NRXN1: variants seen among roughly 807,000 people sequenced by gnomAD.
The protein encoded by NRXN1 is neurexin 1, also known as neurexin-1.
Under a neutral mutation model 150.9 loss-of-function variants are expected in NRXN1, and 39 were observed. The ratio of observed to expected loss-of-function variants is 0.26; its 90% CI spans 0.20 to 0.34. NRXN1 has a LOEUF of 0.34. NRXN1 is among the 10% of genes least tolerant of loss of function. The probability of loss-of-function intolerance (pLI) is 1.00; values close to 1 mark genes in which losing one functional copy is unlikely to be tolerated. For synonymous variants in NRXN1, 924 were observed against 757.0 expected, an observed-to-expected ratio of 1.22 and a Z score of -3.62; for missense variants, 1,815 against 1,949.9, an observed-to-expected ratio of 0.93 and a Z score of 1.30.
At chr2:51,018,327 T>G (rs1003198866) in intron 2 of NRXN1, among the ~76,000 whole-genome samples, 1 of 152,098 alleles carries the variant, frequency 6.6e-6, no homozygotes, top group Non-Finnish European at 1.5e-5. Flanking sequence ...TAGCAGTTGT[T>G]CCTGCAGTGT....
intron 5 of NRXN1, among the ~76,000 whole-genome samples, chr2:50,627,615 G>GACACAAACACACACAC (rs1553903434): frequency 6.7e-6 from 1 of 148,334 alleles, no homozygotes; most frequent in Non-Finnish European, 1.5e-5. Context: ...GTCAGACACA[G>GACACAAACACACACAC]ACACACACAC....
intron 5 of NRXN1, among the ~76,000 whole-genome samples, chr2:50,803,828 A>G (rs979674393): frequency 1.7e-4 from 26 of 152,156 alleles, no homozygotes; most frequent in African/African-American, 5.1e-4. Flanking sequence ...TTCAAAAACA[A>G]TATCACTTTT....
At chr2:50,261,739 T>C (rs1339116073) in intron 17 of NRXN1, among the ~76,000 whole-genome samples, 1 of 151,958 alleles carries the variant, frequency 6.6e-6, no homozygotes, top group Non-Finnish European at 1.5e-5. Flanking sequence ...GTGAATTCTT[T>C]ACCTCTTCCA....
Position 50,640,387 on chromosome 2 carries a change from G to T in NRXN1, c.833-16772C>A, listed in dbSNP as rs180951258. Among the ~76,000 whole-genome samples, 59 of 152,184 alleles carry T rather than the reference G, an allele frequency of 3.9e-4. No individual in the cohort carries two copies. The East Asian group carries it at 6.8e-3, about 17-fold the overall frequency. On this transcript the variant is annotated intron_variant, in intron 5 of 22. Coordinates refer to ENST00000401669, the MANE Select transcript of NRXN1 (RefSeq NM_001330078.2). ...TAAACTAAAATTATACTTTAGATATGATCTATGTATAATATTGCCTTAAAT... is the reference window on the plus strand; with the variant it reads ...TAAACTAAAATTATACTTTAGATATTATCTATGTATAATATTGCCTTAAAT...
intron 5 of NRXN1, among the ~76,000 whole-genome samples, chr2:50,804,730 C>T (rs574093150): frequency 4.6e-5 from 7 of 152,302 alleles, no homozygotes; most frequent in African/African-American, 1.7e-4. Flanking sequence ...CTAATTCCCT[C>T]CTCACTACTC....
At chr2:50,908,315 T>C (rs1015743875) in intron 5 of NRXN1, among the ~76,000 whole-genome samples, 7 of 151,472 alleles carry the variant, frequency 4.6e-5, no homozygotes, top group African/African-American at 1.7e-4. Context: ...TCAGTATGAA[T>C]TGATAAAACA....
chr2:50,435,758 C>T (rs112260824), intron 17 of NRXN1, among the ~76,000 whole-genome samples: 1 of 152,082 alleles, frequency 6.6e-6, no homozygotes, highest in Non-Finnish European at 1.5e-5. Context: ...ACATTGAGAA[C>T]ACATGGACAC....
intron 21 of NRXN1, among the ~76,000 whole-genome samples, chr2:49,987,496 T>C (rs374270335): frequency 1.2e-4 from 19 of 152,164 alleles, no homozygotes; most frequent in Admixed American, 1.2e-3. Context: ...CTGATGGAGA[T>C]CATCATTACA....
At chr2:49,958,935 G>A (rs1236132647) in intron 21 of NRXN1, among the ~76,000 whole-genome samples, 1 of 152,172 alleles carries the variant, frequency 6.6e-6, no homozygotes, top group East Asian at 1.9e-4. Flanking sequence ...ATAAGGTAAA[G>A]GATATCAGAG....
At chr2:50,062,722 G>C (rs183457997) in intron 19 of NRXN1, among the ~76,000 whole-genome samples, 48 of 152,204 alleles carry the variant, frequency 3.2e-4, no homozygotes, top group Admixed American at 2.0e-3. Context: ...GATCAGTAGA[G>C]ACAAGCTATA....
At chr2:50,445,098 A>G (rs2104478996) in intron 17 of NRXN1, among the ~76,000 whole-genome samples, 1 of 152,020 alleles carries the variant, frequency 6.6e-6, no homozygotes, top group Non-Finnish European at 1.5e-5. Context: ...TCCACATTTT[A>G]CCCCACTAAG....
intron 18 of NRXN1, among the ~76,000 whole-genome samples, chr2:50,168,606 G>A (rs1031324906): frequency 2.0e-5 from 3 of 152,108 alleles, no homozygotes; most frequent in African/African-American, 4.8e-5. Flanking sequence ...CATTTTTGAG[G>A]TTGCCAGAAT....
intron 5 of NRXN1, among the ~76,000 whole-genome samples, chr2:50,866,487 G>A (rs140825533): frequency 1.1e-3 from 174 of 151,986 alleles, no homozygotes; most frequent in African/African-American, 3.7e-3. Flanking sequence ...TCTGACACAA[G>A]GTGAATAGTT....
chr2:50,048,869 G>A (rs1159454081), intron 21 of NRXN1, among the ~76,000 whole-genome samples: 2 of 152,056 alleles, frequency 1.3e-5, no homozygotes, highest in Non-Finnish European at 2.9e-5. Flanking sequence ...TACTGATTCT[G>A]TCTCACTTTA....
intron 21 of NRXN1, among the ~76,000 whole-genome samples, chr2:49,985,461 T>G (rs1226577008): frequency 6.6e-6 from 1 of 152,208 alleles, no homozygotes; most frequent in East Asian, 1.9e-4. Flanking sequence ...AAGACGCTAC[T>G]ATGTTTTATT....
At chr2:50,351,123 T>C (rs1293429837) in intron 17 of NRXN1, among the ~76,000 whole-genome samples, 1 of 152,202 alleles carries the variant, frequency 6.6e-6, no homozygotes. Context: ...TACTCAGTCT[T>C]TGGGCTTGCA....
chr2:50,573,156 G>A (rs1302047879), intron 8 of NRXN1, among the ~76,000 whole-genome samples: 1 of 152,030 alleles, frequency 6.6e-6, no homozygotes, highest in East Asian at 1.9e-4. Flanking sequence ...GATTGCTTGA[G>A]CTCAGGAGTT....
At chr2:50,545,116 T>A (rs927882164) in intron 9 of NRXN1, among the ~76,000 whole-genome samples, 1 of 152,098 alleles carries the variant, frequency 6.6e-6, no homozygotes, top group Admixed American at 6.6e-5. Flanking sequence ...GAGAACAGAG[T>A]AAATTGATGA....
At chr2:50,697,399 T>A (rs900318403) in intron 5 of NRXN1, among the ~76,000 whole-genome samples, 1 of 152,080 alleles carries the variant, frequency 6.6e-6, no homozygotes, top group Non-Finnish European at 1.5e-5. Context: ...TGTTAAGACC[T>A]TGAAATACTG....
Sources: gnomAD v4.1 joint callset for allele counts (sites outside exome capture counted in the v4.1 genomes callset) on GRCh38, gnomAD v4.1.1 for gene constraint, MANE v1.5 for transcripts, NCBI Gene and HGNC (gene_info 2026-07-23, HGNC 2026-07-21) for gene names.